Variants in PBLD observed in about 807,000 individuals in gnomAD.
The protein encoded by PBLD is phenazine biosynthesis-like domain-containing protein.
A neutral mutation model predicts 31.3 loss-of-function variants in PBLD; 26 were observed. The ratio of observed to expected loss-of-function variants is 0.83; its 90% CI spans 0.61 to 1.15. The LOEUF (loss-of-function observed/expected upper bound fraction) is 1.15. Ranked by LOEUF, PBLD falls within the 50% of genes most tolerant of loss-of-function variation. PBLD has a pLI of 0.00. For missense variants in PBLD, 307 were observed against 351.7 expected (o/e 0.87, Z 1.02); for synonymous variants, 114 against 129.0 (o/e 0.88, Z 0.79).
rs188667974 is a variant in PBLD, at chr10:68,286,180, C to T, written c.692-770G>A. Among the ~76,000 whole-genome samples the T allele has an allele frequency of 5.0e-4, 76 of 150,696 alleles. 1 individual carries two copies. The East Asian group carries it at 0.014, about 28-fold the overall frequency. On this transcript the variant is annotated intron_variant, in intron 8 of 9. Transcript: ENST00000358769. ...TCGGCTCACTACAACCTCTGCCTCC[C>T]GGGTTAAAGTGATTCTCCTGTCTCA...
chr10:68,309,715 G>A (rs1315142595), intron 1 of PBLD, among the ~76,000 whole-genome samples: 3 of 148,862 alleles, frequency 2.0e-5, no homozygotes, highest in African/African-American at 7.5e-5. Flanking sequence ...GGCTGAGGCA[G>A]GAGAATCGCT....
rs1048802786 is a variant in PBLD at position 68,306,737 on chromosome 10, T to C, written c.84+24A>G. On this transcript the variant is annotated intron_variant, in intron 2 of 9. Coordinates refer to ENST00000358769, the MANE Select transcript of PBLD (RefSeq NM_022129.4). ...TACAGGAATCTAGAATTTCAGGTAC[T>C]GTAATTCAAAACCAAGCACTTACAT... The C allele has an allele frequency of 2.5e-6, 4 of 1,593,756 alleles. No individual in the cohort carries two copies. The African/African-American group carries it at 5.4e-5, about 21-fold the overall frequency.
intron 2 of PBLD, among the ~76,000 whole-genome samples, chr10:68,299,042 G>T (rs1468113234): frequency 1.4e-5 from 2 of 138,582 alleles, no homozygotes; most frequent in Non-Finnish European, 3.0e-5. Flanking sequence ...GGGAGGCAGA[G>T]GTGGCAGTGA....
intron 6 of PBLD, among the ~76,000 whole-genome samples, chr10:68,290,073 C>T (rs1355470615): frequency 1.8e-5 from 1 of 55,128 alleles, no homozygotes; most frequent in Admixed American, 1.7e-4. Flanking sequence ...TTGAGGGTGG[C>T]TTGGGGCAGA....
At chr10:68,299,013 A>G (rs906444924) in intron 2 of PBLD, among the ~76,000 whole-genome samples, 2 of 144,406 alleles carry the variant, frequency 1.4e-5, no homozygotes, top group Non-Finnish European at 3.0e-5. Flanking sequence ...AAACTGAGGC[A>G]GGCGAGTTGC....
At chr10:68,330,343 T>C (rs962607879) in intron 1 of PBLD, among the ~76,000 whole-genome samples, 1 of 152,014 alleles carries the variant, frequency 6.6e-6, no homozygotes, top group Non-Finnish European at 1.5e-5. Flanking sequence ...GGAGAAAAAA[T>C]TATACATCCT....
At chr10:68,303,274 C>T (rs1226802149) in intron 2 of PBLD, among the ~76,000 whole-genome samples, 5 of 151,776 alleles carry the variant, frequency 3.3e-5, no homozygotes, top group East Asian at 2.0e-4. Flanking sequence ...GCTAATTTGA[C>T]GGGGTTTCAC....
chr10:68,288,258 C>A, intron 8 of PBLD: 2 of 529,468 alleles, frequency 3.8e-6, no homozygotes. Flanking sequence ...GGAATGTAAA[C>A]CCAGGCTGTC....
chr10:68,304,345 A>C (rs1430129551), intron 2 of PBLD, among the ~76,000 whole-genome samples: 1 of 152,192 alleles, frequency 6.6e-6, no homozygotes, highest in Non-Finnish European at 1.5e-5. Flanking sequence ...CAGGCCGTGA[A>C]ATTTTCCTGG....
At chr10:68,314,880 C>T (rs1384662083) in intron 1 of PBLD, among the ~76,000 whole-genome samples, 1 of 152,126 alleles carries the variant, frequency 6.6e-6, no homozygotes, top group Non-Finnish European at 1.5e-5. Flanking sequence ...ACCTCTACCT[C>T]CTGGGTTCAA....
intron 1 of PBLD, among the ~76,000 whole-genome samples, chr10:68,315,478 A>G (rs1473242003): frequency 6.6e-6 from 1 of 151,660 alleles, no homozygotes; most frequent in African/African-American, 2.4e-5. Context: ...CCAGCTACTC[A>G]GGAGGCTGAG....
At chr10:68,306,735 AC>A in intron 2 of PBLD, 25 bp downstream of exon 2, 1 of 1,565,590 alleles carries the variant, frequency 6.4e-7, no homozygotes, top group Non-Finnish European at 8.8e-7. Flanking sequence ...AATTTCAGGT[AC>A]TGTAATTCAA....
intron 2 of PBLD, among the ~76,000 whole-genome samples, chr10:68,298,266 GAAAAGAA>G (rs1184945099): frequency 6.6e-6 from 1 of 151,802 alleles, no homozygotes; most frequent in African/African-American, 2.4e-5. Context: ...AAACAAAAAA[GAAAAGAA>G]AAAAGAAAAA....
chr10:68,302,731 C>T (rs993782263), intron 2 of PBLD, among the ~76,000 whole-genome samples: 4 of 151,952 alleles, frequency 2.6e-5, no homozygotes, highest in Non-Finnish European at 4.4e-5. Context: ...GTCTCAGCTA[C>T]TCTGGAGGTT....
At chr10:68,288,444 C>T (rs772885885) in intron 8 of PBLD, 39 bp downstream of exon 8, 1 of 1,593,696 alleles carries the variant, frequency 6.3e-7, no homozygotes, top group Admixed American at 1.8e-5. Flanking sequence ...TCCTCCTCTT[C>T]CATTGTTTAA....
chr10:68,300,590 C>T (rs1281649327), intron 2 of PBLD, among the ~76,000 whole-genome samples: 4 of 151,916 alleles, frequency 2.6e-5, no homozygotes, highest in Non-Finnish European at 4.4e-5. Flanking sequence ...ACAAGCTCCC[C>T]AGGTGATCGT....
At chr10:68,290,260 T>C (rs2044341839) in intron 6 of PBLD, among the ~76,000 whole-genome samples, 1 of 152,142 alleles carries the variant, frequency 6.6e-6, no homozygotes. Flanking sequence ...ACATCCAGAA[T>C]TCCTTCTGCC....
chr10:68,305,847 TTGGGTGATTTTCA>T (rs1200487245), intron 2 of PBLD, among the ~76,000 whole-genome samples: 1 of 152,192 alleles, frequency 6.6e-6, no homozygotes, highest in Non-Finnish European at 1.5e-5. Flanking sequence ...TCAAAGTTCC[TTGGGTGATTTTCA>T]TGTATAGCCA....
intron 8 of PBLD, 173 bp downstream of exon 8, chr10:68,288,310 A>T (rs1457743361): frequency 2.9e-6 from 2 of 689,206 alleles, no homozygotes; most frequent in Non-Finnish European, 4.7e-6. Context: ...GCTCTATTTT[A>T]TGTTTTTCAT....
Sources: allele counts gnomAD v4.1 joint callset (sites outside exome capture counted in the v4.1 genomes callset), GRCh38; gene constraint gnomAD v4.1.1; transcripts MANE v1.5; gene names NCBI Gene and HGNC (gene_info 2026-07-23, HGNC 2026-07-21).